The following LRRC71 variants were observed in gnomAD, a reference collection of about 807,000 sequenced individuals.
LRRC71 encodes leucine-rich repeat-containing protein 71.
A neutral mutation model predicts 66.6 loss-of-function variants in LRRC71; 54 were observed. That is an observed-to-expected ratio of 0.81 (90% CI 0.65 to 1.02). LRRC71 has a LOEUF of 1.02. Among genes scored for constraint, LRRC71 ranks in the 50% least tolerant of loss-of-function variants. The probability of loss-of-function intolerance (pLI) is 0.00; values close to 1 mark genes in which losing one functional copy is unlikely to be tolerated. For missense variants in LRRC71, 724 were observed against 718.0 expected (o/e 1.01, Z -0.10); for synonymous variants, 323 against 303.9 (o/e 1.06, Z -0.65).
intron 5 of LRRC71, among the ~76,000 whole-genome samples, chr1:156,926,741 AT>A (rs1408385915): frequency 1.3e-5 from 2 of 151,964 alleles, no homozygotes; most frequent in African/African-American, 4.8e-5. Flanking sequence ...TGTCCCGCTA[AT>A]TTTTTGTATT....
chr1:156,938,356 G>T, the LRRC71 span: 1 of 1,508,910 alleles, frequency 6.6e-7, no homozygotes, highest in Non-Finnish European at 9.1e-7. Context: ...GTCCGACTCT[G>T]CCCTCACAGG....
downstream of LRRC71, chr1:156,935,979 A>C: frequency 6.2e-7 from 1 of 1,606,202 alleles, no homozygotes; most frequent in Non-Finnish European, 8.5e-7. Context: ...GGGGACGCAG[A>C]GGATTTGGTG....
chr1:156,940,360 C>T, the LRRC71 span: 1 of 1,613,784 alleles, frequency 6.2e-7, no homozygotes, highest in East Asian at 2.2e-5. Context: ...TCTGCACTGC[C>T]CTCCTGCTCA....
At chr1:156,931,397 C>T (rs1013962436) in intron 12 of LRRC71, among the ~76,000 whole-genome samples, 3 of 152,178 alleles carry the variant, frequency 2.0e-5, no homozygotes, top group African/African-American at 7.2e-5. Context: ...TTCCATTTTT[C>T]ATCTCTGCCT....
chr1:156,928,363 C>CTCCTCCTCTTCTTCTTCTTCTTCTTCT (rs1440279180), intron 9 of LRRC71, among the ~76,000 whole-genome samples: 3 of 98,820 alleles, frequency 3.0e-5, no homozygotes, highest in African/African-American at 1.1e-4. Flanking sequence ...CTTCTTCTTC[C>CTCCTCCTCTTCTTCTTCTTCTTCTTCT]TCTTCTTCTT....
chr1:156,928,332 T>C (rs532841037), intron 9 of LRRC71, among the ~76,000 whole-genome samples: 4 of 123,082 alleles, frequency 3.2e-5, no homozygotes, highest in East Asian at 3.2e-4. Flanking sequence ...CTTCTTTCTT[T>C]TTTCTTTCTT....
chr1:156,937,306 G>A (rs151281059), downstream of LRRC71: 38 of 1,613,806 alleles, frequency 2.4e-5, no homozygotes, highest in South Asian at 3.3e-5. Context: ...TCATGCCCAC[G>A]TCCCTGAGGG....
the LRRC71 span, chr1:156,938,518 AC>A: frequency 6.8e-6 from 11 of 1,611,428 alleles, no homozygotes; most frequent in Non-Finnish European, 8.5e-6. Flanking sequence ...CCTCAGCTGC[AC>A]CGACACCACC....
chr1:156,923,989 C>G lies in LRRC71; in HGVS notation c.201C>G (p.Ala67=), dbSNP rs763441179. The change falls in exon 2 of 15, where the codon GCC becomes GCG. Residue 67 remains alanine, a synonymous_variant. Transcript: ENST00000337428. ...CCGGGGTCCTCGAGACCGACTTCGCCGAGCTCTGCACGCGGTGGGGCTACA... is the reference window on the plus strand; with the variant it reads ...CCGGGGTCCTCGAGACCGACTTCGCGGAGCTCTGCACGCGGTGGGGCTACA... ...QCSGVLETDF[A]ELCTRWGYTD... 5 of 1,543,318 alleles carry G rather than the reference C, an allele frequency of 3.2e-6. No homozygotes were observed. The highest frequency in any genetic ancestry group is 3.5e-6 in the Non-Finnish European group (4 of 1,143,006).
At position 156,920,646 on chromosome 1, in the gene LRRC71, G is replaced by A. The variant is rs1652218778; in HGVS notation, c.-158G>A. The A allele has an allele frequency of 1.1e-6, 1 of 927,144 alleles. No individual in the cohort carries two copies. Among genetic ancestry groups the A allele is most frequent in the Non-Finnish European group, 1.4e-6 (1 of 690,278 alleles). 57.4% of individuals were successfully genotyped at this position (927,144 alleles called of 1,614,324 possible). Reference sequence around the variant, plus strand: ...CGCCTCGCGCGGTTGTCTTGGAGAGGGACGCGTAGGCTACGCCACCGCGGA... The same window carrying A: ...CGCCTCGCGCGGTTGTCTTGGAGAGAGACGCGTAGGCTACGCCACCGCGGA... On this transcript the variant is annotated 5_prime_UTR_variant, in exon 1 of 15. Transcript: ENST00000337428. This position sits in a 1 kb window ranked among gnomAD's most constrained non-coding sequence, Gnocchi z 4.9.
chr1:156,932,882 G>A lies in LRRC71; in HGVS notation c.1593G>A (p.Ala531=), dbSNP rs775598402. The A allele has an allele frequency of 5.8e-5, 93 of 1,608,832 alleles. No individual in the cohort carries two copies. The East Asian group carries it at 8.0e-4, about 14-fold the overall frequency. ...AKNCFAPQCP[A]YAIIQELMLP... ...ATTGCTTCGCCCCACAATGTCCTGC[G>A]TACGCCATAATCCAGGAGCTGATGT... The change falls in exon 15 of 15, where the codon GCG becomes GCA. Residue 531 remains alanine (A), a synonymous_variant. Coordinates refer to ENST00000337428, the MANE Select transcript of LRRC71 (RefSeq NM_144702.3).
the LRRC71 span, chr1:156,939,703 C>T: frequency 1.8e-5 from 29 of 1,614,004 alleles, no homozygotes; most frequent in East Asian, 2.9e-4. Context: ...CTGCTCTGGC[C>T]GTTCCCCCTC....
rs1246098141 is a variant in LRRC71 at position 156,932,997 on chromosome 1, C to T, written c.*28C>T. The T allele has an allele frequency of 6.6e-7, 1 of 1,517,582 alleles. No homozygotes were observed. Among genetic ancestry groups the T allele is most frequent in the African/African-American group, 1.4e-5 (1 of 72,170 alleles). 94.0% of individuals were successfully genotyped at this position (1,517,582 alleles called of 1,614,324 possible). A position where few individuals can be genotyped will look rare whatever the true frequency, so the allele number is the denominator to read the frequency against. On this transcript the variant is annotated 3_prime_UTR_variant, in exon 15 of 15. Coordinates refer to ENST00000337428, the MANE Select transcript of LRRC71 (RefSeq NM_144702.3). ...CCCTCCCACCTGCTTGCCTCTAAGACTCGGGGCTACAGAAGCACCTCCTGT... is the reference window on the plus strand; with the variant it reads ...CCCTCCCACCTGCTTGCCTCTAAGATTCGGGGCTACAGAAGCACCTCCTGT...
intron 2 of LRRC71, 96 bp downstream of exon 2, chr1:156,924,194 G>T (rs1558166812): frequency 2.9e-6 from 4 of 1,382,592 alleles, no homozygotes; most frequent in Admixed American, 2.1e-5. Flanking sequence ...GACGCGGGGC[G>T]GTGTGTGTGT....
chr1:156,929,245 C>T (rs1430598108), intron 9 of LRRC71, 35 bp from the exon 10 acceptor site: 3 of 1,572,900 alleles, frequency 1.9e-6, no homozygotes, highest in South Asian at 2.3e-5. Context: ...GGGGCTCTGG[C>T]TTCTTCCCCC....
At chr1:156,937,558 G>T (rs779852999), downstream of LRRC71, 2 of 1,480,798 alleles carry the variant, frequency 1.4e-6, no homozygotes, top group Admixed American at 4.8e-5. Context: ...CTATCCTCCC[G>T]TTCCTGTGGG....
chr1:156,937,478 C>G (rs1655709236), downstream of LRRC71: 1 of 1,529,864 alleles, frequency 6.5e-7, no homozygotes, highest in East Asian at 2.3e-5. Flanking sequence ...TGATGGCATG[C>G]TGACATAAAA....
At chr1:156,937,035 C>T (rs202029354), downstream of LRRC71, 89 of 1,605,758 alleles carry the variant, frequency 5.5e-5, no homozygotes, top group Admixed American at 9.0e-4. Flanking sequence ...AATGTCTGCT[C>T]GAGTCCTTCT....
At position 156,924,927 on chromosome 1, in the gene LRRC71, G is replaced by A. The variant is rs530527507; in HGVS notation, c.516-11G>A. The A allele has an allele frequency of 2.6e-6, 4 of 1,551,498 alleles. No homozygotes were observed. Among genetic ancestry groups the A allele is most frequent in the African/African-American group, 1.4e-5 (1 of 73,010 alleles). On this transcript the variant is annotated splice_polypyrimidine_tract_variant and intron_variant, in intron 4 of 14. Transcript: ENST00000337428. ...CTAGCTCTGTGTTTCTGCACTTCCC[G>A]CCCACGACAGCTTGTGGAAGGTGGG...
Sources: allele counts gnomAD v4.1 joint callset (sites outside exome capture counted in the v4.1 genomes callset), GRCh38; gene constraint gnomAD v4.1.1; non-coding constraint Gnocchi (gnomAD v3.1); transcripts MANE v1.5; gene names NCBI Gene and HGNC (gene_info 2026-07-23, HGNC 2026-07-21).